CHN2: variants seen among roughly 807,000 people sequenced by gnomAD.
The protein encoded by CHN2 is chimerin 2, also known as beta-chimaerin.
CHN2 carries 35 observed loss-of-function variants against 56.3 expected under a neutral mutation model. The ratio of observed to expected loss-of-function variants is 0.62; its 90% CI spans 0.47 to 0.82. The LOEUF is 0.82. Ranked by LOEUF, CHN2 falls within the 40% of genes least tolerant of loss-of-function variation. The pLI, the probability that CHN2 is intolerant of heterozygous loss-of-function variation, is 0.00. For synonymous variants in CHN2, 210 were observed against 212.8 expected (o/e 0.99, Z 0.12); for missense variants, 491 against 580.5 (o/e 0.85, Z 1.58).
intron 3 of CHN2, among the ~76,000 whole-genome samples, chr7:29,391,981 T>C (rs559052510): frequency 6.6e-6 from 1 of 152,184 alleles, no homozygotes; most frequent in Non-Finnish European, 1.5e-5. Flanking sequence ...AGTAACTCTT[T>C]CTCTTTTAGG....
intron 2 of CHN2, among the ~76,000 whole-genome samples, chr7:29,159,853 T>A (rs1031491757): frequency 2.0e-5 from 3 of 152,174 alleles, no homozygotes; most frequent in Non-Finnish European, 4.4e-5. Context: ...TCTCAACTAG[T>A]GTAATGCAAG....
chr7:29,477,293 T>G (rs964314021), intron 6 of CHN2, among the ~76,000 whole-genome samples: 1 of 152,198 alleles, frequency 6.6e-6, no homozygotes, highest in Admixed American at 6.5e-5. Flanking sequence ...GTAAATTCTA[T>G]TGAATCAATA....
intron 1 of CHN2, among the ~76,000 whole-genome samples, chr7:29,249,042 C>T (rs947947898): frequency 5.3e-5 from 8 of 152,172 alleles, no homozygotes; most frequent in African/African-American, 1.9e-4. Context: ...TCTAAAGAGA[C>T]AGACTCAATA....
At chr7:29,197,887 T>A in intron 1 of CHN2, 1 of 456,120 alleles carries the variant, frequency 2.2e-6, no homozygotes, top group South Asian at 1.5e-5. Context: ...GTCATATGAG[T>A]TGGGCCTTGA....
intron 3 of CHN2, among the ~76,000 whole-genome samples, chr7:29,373,093 G>A (rs1192807436): frequency 2.0e-5 from 3 of 152,048 alleles, no homozygotes; most frequent in Non-Finnish European, 4.4e-5. Flanking sequence ...AAAATGGATG[G>A]TAGAGATTTC....
intron 3 of CHN2, among the ~76,000 whole-genome samples, chr7:29,391,345 G>A (rs1374051859): frequency 7.2e-6 from 1 of 139,442 alleles, no homozygotes; most frequent in African/African-American, 2.6e-5. Context: ...AAGAGGAAGG[G>A]AGGGGAGGGG....
At chr7:29,314,498 A>G (rs992087298) in intron 1 of CHN2, among the ~76,000 whole-genome samples, 6 of 152,244 alleles carry the variant, frequency 3.9e-5, no homozygotes, top group Non-Finnish European at 8.8e-5. Flanking sequence ...ACTGAACTGT[A>G]CACTTCAAAG....
intron 4 of CHN2, among the ~76,000 whole-genome samples, chr7:29,396,313 C>T (rs568752564): frequency 8.6e-5 from 13 of 151,762 alleles, no homozygotes; most frequent in Admixed American, 2.0e-4. Flanking sequence ...AAAAATTTGC[C>T]GGGCATGGTG....
At chr7:29,471,611 T>G (rs909333968) in intron 6 of CHN2, among the ~76,000 whole-genome samples, 1 of 152,186 alleles carries the variant, frequency 6.6e-6, no homozygotes, top group Non-Finnish European at 1.5e-5. Context: ...GCAGTAAGAC[T>G]GTTCCTTCGG....
At chr7:29,356,851 T>G (rs1798353677) in intron 2 of CHN2, among the ~76,000 whole-genome samples, 2 of 152,222 alleles carry the variant, frequency 1.3e-5, no homozygotes. Flanking sequence ...GCTCTGACAG[T>G]AAATCAACAG....
chr7:29,499,702 T>C (rs980316610), intron 8 of CHN2, among the ~76,000 whole-genome samples, 165 bp from the exon 9 acceptor site: 2 of 152,218 alleles, frequency 1.3e-5, no homozygotes, highest in Non-Finnish European at 2.9e-5. Context: ...TGATTAGAGA[T>C]GATACTTGTA....
intron 1 of CHN2, among the ~76,000 whole-genome samples, chr7:29,254,544 C>T (rs1316040427): frequency 6.6e-6 from 1 of 152,154 alleles, no homozygotes; most frequent in Non-Finnish European, 1.5e-5. Flanking sequence ...ACAGAAGCCG[C>T]TCTAAGGAGT....
chr7:29,439,074 T>C (rs1033813660), intron 6 of CHN2, among the ~76,000 whole-genome samples: 1 of 152,218 alleles, frequency 6.6e-6, no homozygotes, highest in African/African-American at 2.4e-5. Context: ...CAAAACCTAC[T>C]GTTTCTTGAG....
intron 9 of CHN2, among the ~76,000 whole-genome samples, chr7:29,504,535 C>T (rs1230410592): frequency 1.3e-5 from 2 of 152,156 alleles, no homozygotes; most frequent in African/African-American, 4.8e-5. Context: ...TTGAGATCTC[C>T]ACTGCTACAT....
rs1199166521 is a variant in CHN2 at position 29,179,701 on chromosome 7, C to G, written c.274+32741C>G. Among the ~76,000 whole-genome samples, 4 of 152,230 alleles carry G rather than the reference C, an allele frequency of 2.6e-5. No individual in the cohort carries two copies. The East Asian group carries it at 7.7e-4, about 29-fold the overall frequency. On this transcript the variant is annotated intron_variant, in intron 2 of 6. Coordinates refer to the CHN2 transcript ENST00000439384. The stretch of plus-strand genomic sequence containing the variant: ...TCAATAATTACCAGGTTTTTTATTT[C>G]TCAAATTACAAAATACTTAATAGCT...
At chr7:29,197,728 A>G (rs1783852248) in intron 1 of CHN2, among the ~76,000 whole-genome samples, 1 of 152,218 alleles carries the variant, frequency 6.6e-6, no homozygotes, top group African/African-American at 2.4e-5. Flanking sequence ...GCATGGAAAG[A>G]TGAGTCAAGA....
intron 2 of CHN2, among the ~76,000 whole-genome samples, chr7:29,176,771 C>T (rs1489980714): frequency 2.0e-5 from 3 of 151,910 alleles, no homozygotes; most frequent in East Asian, 1.9e-4. Context: ...GTTTAAAAAA[C>T]GAGATTGAGC....
At chr7:29,364,461 A>C (rs1232641302) in intron 2 of CHN2, among the ~76,000 whole-genome samples, 1 of 152,238 alleles carries the variant, frequency 6.6e-6, no homozygotes, top group African/African-American at 2.4e-5. Flanking sequence ...CAATGGGAAG[A>C]GAAGAGTGGG....
At chr7:29,250,733 CAG>C (rs1168931240) in intron 1 of CHN2, among the ~76,000 whole-genome samples, 2 of 143,858 alleles carry the variant, frequency 1.4e-5, no homozygotes, top group African/African-American at 5.2e-5. Context: ...TTTTTTGAGG[CAG>C]AGTCTTCCTC....
Sources: gnomAD v4.1 joint callset for allele counts (sites outside exome capture counted in the v4.1 genomes callset) on GRCh38, gnomAD v4.1.1 for gene constraint, MANE v1.5 for transcripts, NCBI Gene and HGNC (gene_info 2026-07-23, HGNC 2026-07-21) for gene names.